YARS1: variants seen among roughly 807,000 people sequenced by gnomAD.
YARS1 encodes the protein tyrosine--tRNA ligase, cytoplasmic.
In YARS1, 36 loss-of-function variants were observed where a neutral mutation model predicts 62.2. The observed-to-expected ratio is 0.58, with a 90% CI of 0.44 to 0.76. The LOEUF (loss-of-function observed/expected upper bound fraction) is 0.76, where lower values mean the gene tolerates loss of function less well. Among genes scored for constraint, YARS1 ranks in the 30% least tolerant of loss-of-function variants. YARS1 has a pLI of 0.00. For missense variants in YARS1, 524 were observed against 639.8 expected (o/e 0.82, Z 1.95); for synonymous variants, 234 against 244.9 (o/e 0.96, Z 0.42).
intron 1 of YARS1, among the ~76,000 whole-genome samples, chr1:32,815,050 C>T (rs940899493): frequency 6.6e-6 from 1 of 152,112 alleles, no homozygotes; most frequent in African/African-American, 2.4e-5. Context: ...CATTACTTAG[C>T]CTTTAAAACC....
At chr1:32,800,416 G>T (rs1433788909) in intron 4 of YARS1, among the ~76,000 whole-genome samples, 1 of 151,870 alleles carries the variant, frequency 6.6e-6, no homozygotes, top group Non-Finnish European at 1.5e-5. Context: ...AAGGCAGGAG[G>T]ATCACTTGAG....
At chr1:32,782,189 C>T in intron 9 of YARS1, 1 of 677,958 alleles carries the variant, frequency 1.5e-6, no homozygotes, top group African/African-American at 1.8e-5. Flanking sequence ...CAGCTCTCAG[C>T]AATGCCGGTA....
intron 1 of YARS1, chr1:32,816,794 T>C (rs1005667865): frequency 1.8e-5 from 5 of 282,094 alleles, no homozygotes; most frequent in Non-Finnish European, 2.8e-5. Context: ...GCTCCCAGTA[T>C]AGCATCTTCC....
chr1:32,806,567 T>A lies in YARS1; in HGVS notation c.425A>T (p.Gln142Leu). The A allele has an allele frequency of 6.2e-7, 1 of 1,614,194 alleles. No individual in the cohort carries two copies. The highest frequency in any genetic ancestry group is 8.5e-7 in the Non-Finnish European group (1 of 1,180,040). ...DVYRLSSVVT[Q>L]HDSKKAGAEV... is the part of the protein sequence containing the mutation. ...AGCTCCAGCCTTCTTGGAATCGTGC[T>A]GTGTGACCACGGAGGAGAGTCTGTA... is the stretch of plus-strand genomic sequence containing the variant. Residue 142 changes from glutamine (Q) to leucine (L), a missense_variant, in exon 4 of 13, where the codon CAG becomes CTG. By Grantham distance (113) the Gln-to-Leu change is moderately radical. Coordinates refer to ENST00000373477, the MANE Select transcript of YARS1 (RefSeq NM_003680.4).
intron 6 of YARS1, among the ~76,000 whole-genome samples, chr1:32,790,068 G>A (rs561176510): frequency 6.7e-6 from 1 of 149,376 alleles, no homozygotes; most frequent in Admixed American, 6.7e-5. Context: ...ACTTTTAGTA[G>A]AGATGGGGTT....
intron 4 of YARS1, among the ~76,000 whole-genome samples, chr1:32,799,417 G>A (rs1020450043): frequency 7.2e-5 from 11 of 152,226 alleles, no homozygotes; most frequent in Non-Finnish European, 1.3e-4. Context: ...GGAGACTCAT[G>A]GGTTGGAGAC....
intron 6 of YARS1, among the ~76,000 whole-genome samples, chr1:32,788,833 T>C (rs550819566): frequency 8.5e-5 from 13 of 152,224 alleles, no homozygotes; most frequent in African/African-American, 2.4e-4. Context: ...TCCCAAAGTG[T>C]TGGGATTGAT....
chr1:32,799,017 G>A (rs1653693366), intron 4 of YARS1, among the ~76,000 whole-genome samples: 1 of 152,132 alleles, frequency 6.6e-6, no homozygotes, highest in Non-Finnish European at 1.5e-5. Context: ...TAACCCAGAT[G>A]TTCATATAAG....
chr1:32,783,733 T>C (rs1386306396), intron 8 of YARS1: 1 of 152,220 alleles, frequency 6.6e-6, no homozygotes, highest in African/African-American at 2.4e-5. Context: ...ATACTACTTC[T>C]TCATTTCCTT....
At chr1:32,803,116 G>C (rs1638344975) in intron 4 of YARS1, among the ~76,000 whole-genome samples, 1 of 151,518 alleles carries the variant, frequency 6.6e-6, no homozygotes, top group African/African-American at 2.4e-5. Flanking sequence ...CTGAGTAGCT[G>C]GGACTACAGT....
At chr1:32,811,520 G>A (rs560950740) in intron 1 of YARS1, 54 of 207,172 alleles carry the variant, frequency 2.6e-4, no homozygotes, top group African/African-American at 1.1e-3. Context: ...AAGCCCCTGC[G>A]CCCGGAACTG....
In YARS1 at chr1:32,782,482, C is replaced by T. The variant is rs778008635; in HGVS notation, c.964G>A (p.Asp322Asn). The T allele has an allele frequency of 1.1e-5, 18 of 1,613,958 alleles. No individual in the cohort carries two copies. The South Asian group carries it at 2.0e-4, about 18-fold the overall frequency. The change falls in exon 9 of 13, where the codon GAT becomes AAT. Residue 322 changes from aspartate to asparagine, a missense_variant. Coordinates refer to ENST00000373477, the MANE Select transcript of YARS1 (RefSeq NM_003680.4). ...SVEVALNKLL[D>N]PIREKFNTPA... ...GTATTAAACTTTTCCCGGATTGGAT[C>T]CAGCAACTTGTTCAGTGCGACTTCA... is the stretch of plus-strand genomic sequence containing the variant.
At chr1:32,790,197 T>C (rs1341720092) in intron 6 of YARS1, among the ~76,000 whole-genome samples, 11 of 148,762 alleles carry the variant, frequency 7.4e-5, no homozygotes, top group South Asian at 2.1e-4. Flanking sequence ...TTTTTTTTTT[T>C]TTTTTAATTT....
intron 3 of YARS1, among the ~76,000 whole-genome samples, chr1:32,810,217 G>A (rs1024380981): frequency 3.3e-5 from 5 of 151,970 alleles, no homozygotes; most frequent in Non-Finnish European, 2.9e-5. Context: ...TTGTTGGGGC[G>A]GTGAGAAATA....
chr1:32,775,960 G>C lies in YARS1; in HGVS notation c.*21C>G, dbSNP rs149812692. 1.3e-6 allele frequency: 2 copies of C among 1,587,246 alleles called. No individual in the cohort carries two copies. The highest frequency in any genetic ancestry group is 2.2e-5 in the South Asian group (2 of 90,440). On this transcript the variant is annotated 3_prime_UTR_variant, in exon 13 of 13. Coordinates refer to ENST00000373477, the MANE Select transcript of YARS1 (RefSeq NM_003680.4). ...AGCAGATGACTCAGTGGTGGAAGAA[G>C]GGGGGAAGATGCTGGGCTGGCTAGC...
chr1:32,788,758 G>A (rs1308627947), intron 6 of YARS1, among the ~76,000 whole-genome samples: 1 of 151,832 alleles, frequency 6.6e-6, no homozygotes, highest in Non-Finnish European at 1.5e-5. Flanking sequence ...GTTAAAATGG[G>A]GTCTCACTGT....
At position 32,781,055 on chromosome 1, in the gene YARS1, A is replaced by G. The variant is rs1653038190; in HGVS notation, c.1133T>C (p.Val378Ala). The G allele has an allele frequency of 6.2e-7, 1 of 1,614,052 alleles. No homozygotes were observed. The highest frequency in any genetic ancestry group is 1.3e-5 in the African/African-American group (1 of 74,928). The change falls in exon 10 of 13, where the codon GTG becomes GCG. Residue 378 changes from valine to alanine, a missense_variant. Transcript: ENST00000373477. ...GTGGTGAAAAATGAGTACCTTCTCC[A>G]CAGTGATGATTTTCCCCACACGGAT... is the stretch of plus-strand genomic sequence containing the variant. The part of the protein sequence containing the change: ...LDIRVGKIIT[V>A]EKHPDADSLY...
At position 32,790,910 on chromosome 1, in the gene YARS1, T is replaced by A. The variant is rs565400855; in HGVS notation, c.684+252A>T. On this transcript the variant is annotated intron_variant, in intron 6 of 12. Transcript: ENST00000373477. ...ATAAGGCTGAATTTCATCACAGTCG[T>A]ATGAACAAAGACATTACTTTTGCTT... 1.1e-4 allele frequency: 51 copies of A among 476,640 alleles called. 1 individual carries two copies. Among genetic ancestry groups the A allele is most frequent in the Admixed American group, 6.1e-4 (18 of 29,652 alleles). The allele number at this position is 476,640 out of a possible 1,614,324, so 29.5% of individuals were successfully genotyped here.
chr1:32,796,330 A>G (rs184239859), intron 5 of YARS1, among the ~76,000 whole-genome samples: 3 of 151,858 alleles, frequency 2.0e-5, no homozygotes, highest in African/African-American at 7.2e-5. Flanking sequence ...AAAACAAATA[A>G]TAAGAAATAA....
Sources: allele counts gnomAD v4.1 joint callset (sites outside exome capture counted in the v4.1 genomes callset), GRCh38; gene constraint gnomAD v4.1.1; transcripts MANE v1.5; gene names NCBI Gene and HGNC (gene_info 2026-07-23, HGNC 2026-07-21).